MAPK6: variants seen among roughly 807,000 people sequenced by gnomAD.
MAPK6 encodes the protein ERK-3.
A neutral mutation model predicts 59.3 loss-of-function variants in MAPK6; 19 were observed. The ratio of observed to expected loss-of-function variants is 0.32; its 90% CI spans 0.22 to 0.47. The LOEUF (loss-of-function observed/expected upper bound fraction) is 0.47, where lower values mean the gene tolerates loss of function less well. MAPK6 is among the 20% of genes least tolerant of loss of function. The pLI is 1.00. For missense variants in MAPK6, 724 were observed against 847.9 expected, an observed-to-expected ratio of 0.85 and a Z score of 1.81; for synonymous variants, 316 against 290.3, an observed-to-expected ratio of 1.09 and a Z score of -0.90.
chr15:52,035,630 A>G (rs907463127), intron 1 of MAPK6: 7 of 152,130 alleles, frequency 4.6e-5, no homozygotes, highest in African/African-American at 1.7e-4. Flanking sequence ...TCTTAAAAAA[A>G]AAAAAAAAAG....
In MAPK6 at chr15:52,046,254, A is replaced by T. The variant is rs536761280; in HGVS notation, c.-207A>T. The T allele has an allele frequency of 2.6e-4, 128 of 497,450 alleles. 4 individuals carry two copies. The South Asian group carries it at 3.7e-3, about 14-fold the overall frequency. 30.8% of individuals were successfully genotyped at this position (497,450 alleles called of 1,614,324 possible). On this transcript the variant is annotated 5_prime_UTR_variant, in exon 2 of 6. It removes an upstream start codon present in the reference 5' UTR. Transcript: ENST00000261845. ...TACTGCAATCTTTTTAATTCTCAAT[A>T]TGAATAGAGCTTTTTGAGCTTTAAA...
intron 2 of MAPK6, among the ~76,000 whole-genome samples, chr15:51,989,441 T>G (rs1373389604): frequency 6.6e-6 from 1 of 152,030 alleles, no homozygotes; most frequent in Non-Finnish European, 1.5e-5. Flanking sequence ...AAGACATGGA[T>G]AGCTTTTGGG....
chr15:51,976,994 A>T lies in MAPK6; in HGVS notation c.-880+5088A>T, dbSNP rs193015055. Among the ~76,000 whole-genome samples, 704 of 151,344 alleles carry T rather than the reference A, an allele frequency of 4.7e-3. 7 individuals are homozygous for T. Among genetic ancestry groups the T allele is most frequent in the African/African-American group, 0.016 (682 of 41,384 alleles). ...TCTGAAGGAAAATTATCCATCCTAG[A>T]ATTATTATTATTATTTTTGGGGGAA... On this transcript the variant is annotated intron_variant, in intron 1 of 7. Transcript: ENST00000691380.
At chr15:52,044,121 T>C (rs1234094405) in intron 1 of MAPK6, among the ~76,000 whole-genome samples, 2 of 152,152 alleles carry the variant, frequency 1.3e-5, no homozygotes, top group Non-Finnish European at 2.9e-5. Context: ...CTTCAACTTT[T>C]AAGTGTTTTA....
At chr15:52,023,930 T>C (rs1402813729) in intron 1 of MAPK6, among the ~76,000 whole-genome samples, 3 of 152,176 alleles carry the variant, frequency 2.0e-5, no homozygotes, top group Non-Finnish European at 2.9e-5. Flanking sequence ...TCTAAAAGTT[T>C]TGTCTTTTAT....
chr15:51,992,778 T>TA (rs1406456073), intron 2 of MAPK6, among the ~76,000 whole-genome samples: 2 of 152,140 alleles, frequency 1.3e-5, no homozygotes, highest in Non-Finnish European at 2.9e-5. Flanking sequence ...ATTTATCGCC[T>TA]AAAGAATATC....
intron 2 of MAPK6, among the ~76,000 whole-genome samples, chr15:51,984,558 C>A (rs370430667): frequency 1.3e-5 from 2 of 150,974 alleles, no homozygotes; most frequent in Non-Finnish European, 2.9e-5. Flanking sequence ...CCGCCTCAGC[C>A]TCCCAAAGTG....
intron 3 of MAPK6, among the ~76,000 whole-genome samples, chr15:52,051,038 C>G (rs1298127945): frequency 6.6e-6 from 1 of 151,922 alleles, no homozygotes; most frequent in Non-Finnish European, 1.5e-5. Context: ...TGTCTTTTGA[C>G]ATAACTTTTT....
At chr15:52,029,639 GT>G (rs1270040496) in intron 1 of MAPK6, among the ~76,000 whole-genome samples, 5 of 152,126 alleles carry the variant, frequency 3.3e-5, no homozygotes, top group Non-Finnish European at 5.9e-5. Flanking sequence ...TATTCTTCCA[GT>G]CTTTCTCTCT....
intron 3 of MAPK6, among the ~76,000 whole-genome samples, chr15:52,054,508 A>C (rs2031893456): frequency 6.6e-6 from 1 of 152,198 alleles, no homozygotes; most frequent in Non-Finnish European, 1.5e-5. Flanking sequence ...AGTTGACCAC[A>C]CATGTAAAAT....
At chr15:52,013,020 A>T (rs12909070) in intron 3 of MAPK6, among the ~76,000 whole-genome samples, 1,542 of 12,792 alleles carry the variant, frequency 0.12, 74 homozygotes, top group Middle Eastern at 0.2. Context: ...AAAAAAAAAA[A>T]ATATATATAT....
chr15:51,975,453 A>T (rs2141799393), intron 1 of MAPK6, among the ~76,000 whole-genome samples: 1 of 151,728 alleles, frequency 6.6e-6, no homozygotes, highest in Admixed American at 6.6e-5. Context: ...AGGCAGGAGA[A>T]TCGCTTGAAT....
chr15:52,008,375 A>T (rs547101346), intron 3 of MAPK6, among the ~76,000 whole-genome samples: 12 of 152,222 alleles, frequency 7.9e-5, no homozygotes, highest in Non-Finnish European at 1.6e-4. Flanking sequence ...GGAAAACATG[A>T]CTTCTCAGAA....
At chr15:52,061,924 A>G (rs1217881102) in intron 5 of MAPK6, among the ~76,000 whole-genome samples, 1 of 152,140 alleles carries the variant, frequency 6.6e-6, no homozygotes, top group Admixed American at 6.5e-5. Context: ...ATATTTATAA[A>G]GTCCTTTAAC....
chr15:52,002,916 C>T (rs147184770), intron 2 of MAPK6, among the ~76,000 whole-genome samples: 34 of 152,034 alleles, frequency 2.2e-4, no homozygotes, highest in African/African-American at 8.0e-4. Flanking sequence ...TCACCGGGCG[C>T]GGTGGCTCAT....
intron 1 of MAPK6, among the ~76,000 whole-genome samples, chr15:52,043,938 G>C (rs985046539): frequency 1.5e-4 from 22 of 151,412 alleles, no homozygotes; most frequent in African/African-American, 5.1e-4. Context: ...ACCACGCCTG[G>C]CTACTTTTTG....
intron 3 of MAPK6, among the ~76,000 whole-genome samples, chr15:52,053,946 A>T (rs921856712): frequency 6.6e-6 from 1 of 151,924 alleles, no homozygotes; most frequent in Non-Finnish European, 1.5e-5. Context: ...CTGAAACAAG[A>T]TTTTAATTCT....
intron 3 of MAPK6, among the ~76,000 whole-genome samples, chr15:52,053,601 TGGTTG>T (rs1203138572): frequency 7.8e-4 from 2 of 2,550 alleles, no homozygotes; most frequent in Non-Finnish European, 2.6e-3. Flanking sequence ...ATTGATTGAT[TGGTTG>T]ATTGATTGAT....
At chr15:52,014,378 G>T (rs78985444), upstream of MAPK6, among the ~76,000 whole-genome samples, 8,257 of 152,038 alleles carry the variant, frequency 0.054, 430 homozygotes, top group African/African-American at 0.13. Context: ...AACTATATAT[G>T]TCATCAATTT....
Sources: gnomAD v4.1 joint callset for allele counts (sites outside exome capture counted in the v4.1 genomes callset) on GRCh38, gnomAD v4.1.1 for gene constraint, MANE v1.5 for transcripts, NCBI Gene and HGNC (gene_info 2026-07-23, HGNC 2026-07-21) for gene names.